TMTC1: variants seen among roughly 807,000 people sequenced by gnomAD.
The protein encoded by TMTC1 is transmembrane O-mannosyltransferase targeting cadherins 1, also known as protein O-mannosyl-transferase TMTC1.
A neutral mutation model predicts 104.8 loss-of-function variants in TMTC1; 73 were observed. The ratio of observed to expected loss-of-function variants is 0.70; its 90% CI spans 0.58 to 0.85. TMTC1 has a LOEUF of 0.85. Among genes scored for constraint, TMTC1 ranks in the 40% least tolerant of loss-of-function variants. The probability of loss-of-function intolerance (pLI) is 0.00; values close to 1 mark genes in which losing one functional copy is unlikely to be tolerated. For synonymous variants in TMTC1, 434 were observed against 428.7 expected (o/e 1.01, Z -0.15); for missense variants, 1,035 against 1,096.1 (o/e 0.94, Z 0.79).
chr12:29,629,471 C>T (rs913131279), intron 6 of TMTC1, among the ~76,000 whole-genome samples: 6 of 152,198 alleles, frequency 3.9e-5, no homozygotes, highest in African/African-American at 1.4e-4. Context: ...TGTACCCCTA[C>T]CACAGAGGGC....
chr12:29,651,017 T>C (rs1469390014), intron 5 of TMTC1, among the ~76,000 whole-genome samples: 1 of 152,246 alleles, frequency 6.6e-6, no homozygotes, highest in African/African-American at 2.4e-5. Flanking sequence ...CCAGTGTGTT[T>C]GATTTTCTTC....
In TMTC1 at chr12:29,728,532, C is replaced by T. The variant is rs191550247; in HGVS notation, c.938+23134G>A. Among the ~76,000 whole-genome samples, 38 of 152,266 alleles carry T rather than the reference C, an allele frequency of 2.5e-4. No individual in the cohort carries two copies. The East Asian group carries it at 7.0e-3, about 28-fold the overall frequency. On this transcript the variant is annotated intron_variant, in intron 5 of 17. Transcript: ENST00000539277. ...AGGAATGACTACCCAGAAGCTTATC[C>T]TTAGGACACAGACCCCACGTCTCTA... is the stretch of plus-strand genomic sequence containing the variant.
At chr12:29,685,720 A>T (rs1202765861) in intron 5 of TMTC1, among the ~76,000 whole-genome samples, 1 of 152,126 alleles carries the variant, frequency 6.6e-6, no homozygotes, top group African/African-American at 2.4e-5. Flanking sequence ...CTTACTGAAA[A>T]TTGTTTTTAT....
intron 7 of TMTC1, among the ~76,000 whole-genome samples, chr12:29,594,602 A>G (rs962473792): frequency 1.3e-5 from 2 of 152,244 alleles, no homozygotes; most frequent in Non-Finnish European, 2.9e-5. Flanking sequence ...CTGGTTTGAG[A>G]TGTATTCTCT....
At chr12:29,540,625 C>T (rs1178237576) in intron 10 of TMTC1, among the ~76,000 whole-genome samples, 1 of 149,410 alleles carries the variant, frequency 6.7e-6, no homozygotes, top group East Asian at 1.9e-4. Flanking sequence ...ACTTTTTTTT[C>T]CCCAATTCAG....
intron 1 of TMTC1, among the ~76,000 whole-genome samples, chr12:29,769,514 C>CT (rs1943548925): frequency 6.6e-6 from 1 of 152,200 alleles, no homozygotes; most frequent in Non-Finnish European, 1.5e-5. Context: ...CATGCCATTC[C>CT]TGTATAGAAA....
intron 5 of TMTC1, among the ~76,000 whole-genome samples, chr12:29,711,871 G>T (rs1445865397): frequency 6.6e-6 from 1 of 151,936 alleles, no homozygotes; most frequent in Non-Finnish European, 1.5e-5. Flanking sequence ...GCCGAGCATG[G>T]TGGTGAGTGC....
chr12:29,536,392 A>G, intron 10 of TMTC1, 75 bp from the exon 11 acceptor site: 1 of 929,688 alleles, frequency 1.1e-6, no homozygotes, highest in Non-Finnish European at 1.7e-6. Flanking sequence ...ATTAGACTCT[A>G]AAAATCTCAT....
intron 5 of TMTC1, among the ~76,000 whole-genome samples, chr12:29,662,619 C>T (rs1940083940): frequency 1.1e-5 from 1 of 87,268 alleles, no homozygotes; most frequent in Non-Finnish European, 2.6e-5. Context: ...CACTACACTC[C>T]AGCTTGGGTG....
At chr12:29,691,109 T>C (rs544927089) in intron 5 of TMTC1, among the ~76,000 whole-genome samples, 4 of 152,316 alleles carry the variant, frequency 2.6e-5, no homozygotes, top group African/African-American at 9.6e-5. Context: ...GCTACAAGAT[T>C]AGAAATTATG....
chr12:29,633,752 G>T (rs987494333), intron 5 of TMTC1, among the ~76,000 whole-genome samples: 1 of 152,086 alleles, frequency 6.6e-6, no homozygotes, highest in African/African-American at 2.4e-5. Context: ...TCTATATTGA[G>T]TTATTTCAAA....
At chr12:29,658,027 A>G (rs1939839418) in intron 5 of TMTC1, among the ~76,000 whole-genome samples, 1 of 152,168 alleles carries the variant, frequency 6.6e-6, no homozygotes, top group African/African-American at 2.4e-5. Flanking sequence ...AGGGAGGCGG[A>G]GGTTGCAGTG....
At chr12:29,511,409 C>G (rs780908986) in intron 17 of TMTC1, among the ~76,000 whole-genome samples, 2 of 151,906 alleles carry the variant, frequency 1.3e-5, no homozygotes, top group Non-Finnish European at 2.9e-5. Context: ...ATAGGATGTT[C>G]GCCATAAATG....
At chr12:29,665,778 G>A (rs886962295) in intron 5 of TMTC1, among the ~76,000 whole-genome samples, 2 of 152,136 alleles carry the variant, frequency 1.3e-5, no homozygotes, top group African/African-American at 4.8e-5. Flanking sequence ...CACCATCAGA[G>A]CTGATCACTG....
intron 7 of TMTC1, among the ~76,000 whole-genome samples, chr12:29,593,590 T>C (rs1215406409): frequency 6.6e-6 from 1 of 152,246 alleles, no homozygotes; most frequent in Non-Finnish European, 1.5e-5. Flanking sequence ...ATGTGAACTA[T>C]TGTAGTCACG....
intron 5 of TMTC1, among the ~76,000 whole-genome samples, chr12:29,722,506 T>C (rs1447283937): frequency 1.3e-5 from 2 of 152,128 alleles, no homozygotes; most frequent in Admixed American, 1.3e-4. Context: ...AGGTCTAAGA[T>C]GGAACCATAG....
At chr12:29,742,343 CT>C (rs1942848795) in intron 5 of TMTC1, among the ~76,000 whole-genome samples, 1 of 152,150 alleles carries the variant, frequency 6.6e-6, no homozygotes, top group Non-Finnish European at 1.5e-5. Flanking sequence ...ATTTTAAACA[CT>C]TTACCAAGAC....
Position 29,588,956 on chromosome 12 carries a change from T to C in TMTC1, c.1251-5382A>G, listed in dbSNP as rs557955465. Reference sequence around the variant, plus strand: ...GGAAAAAAAATTCTTGGGACCCCAATTGACTATGCCAAAAGGAAAAAAAAT... The same window carrying C: ...GGAAAAAAAATTCTTGGGACCCCAACTGACTATGCCAAAAGGAAAAAAAAT... On this transcript the variant is annotated intron_variant, in intron 7 of 17. Coordinates refer to ENST00000539277, the MANE Select transcript of TMTC1 (RefSeq NM_001193451.2). Among the ~76,000 whole-genome samples the C allele has an allele frequency of 6.6e-4, 100 of 152,190 alleles. 1 individual carries two copies. The highest frequency in any genetic ancestry group is 3.4e-3 in the Middle Eastern group (1 of 294).
intron 5 of TMTC1, among the ~76,000 whole-genome samples, chr12:29,659,509 G>A (rs2136636471): frequency 6.6e-6 from 1 of 152,272 alleles, no homozygotes; most frequent in Middle Eastern, 3.4e-3. Flanking sequence ...CTTCGGCCAT[G>A]AATGGAAGCA....
Sources: allele counts gnomAD v4.1 joint callset (sites outside exome capture counted in the v4.1 genomes callset), GRCh38; gene constraint gnomAD v4.1.1; transcripts MANE v1.5; gene names NCBI Gene and HGNC (gene_info 2026-07-23, HGNC 2026-07-21).